The following B3GNT5 variants were observed in gnomAD, a reference collection of about 807,000 sequenced individuals.
The protein encoded by B3GNT5 is lactosylceramide 1,3-N-acetyl-beta-D-glucosaminyltransferase.
B3GNT5 carries 11 observed loss-of-function variants against 25.9 expected under a neutral mutation model. The observed-to-expected ratio is 0.42, with a 90% CI of 0.27 to 0.70. The LOEUF is 0.70. Among genes scored for constraint, B3GNT5 ranks in the 30% least tolerant of loss-of-function variants. The probability of loss-of-function intolerance (pLI) is 0.23; values close to 1 mark genes in which losing one functional copy is unlikely to be tolerated. For synonymous variants in B3GNT5, 166 were observed against 158.6 expected, an observed-to-expected ratio of 1.05 and a Z score of -0.35; for missense variants, 385 against 458.4, an observed-to-expected ratio of 0.84 and a Z score of 1.46.
At chr3:183,256,835 A>ACCATGTTCTTTCCTGT (rs149507280) in intron 1 of B3GNT5, among the ~76,000 whole-genome samples, 27,191 of 152,106 alleles carry the variant, frequency 0.18, 6,080 homozygotes, top group African/African-American at 0.53. Flanking sequence ...GCTTGTGGGA[A>ACCATGTTCTTTCCTGT]CAAGAATAAC....
At chr3:183,260,977 A>G (rs905041322) in intron 1 of B3GNT5, among the ~76,000 whole-genome samples, 2 of 152,250 alleles carry the variant, frequency 1.3e-5, no homozygotes, top group African/African-American at 4.8e-5. Flanking sequence ...AAACACTTGA[A>G]GACAGCCATT....
chr3:183,269,534 G>A lies in B3GNT5; in HGVS notation c.-265G>A. ...TATTCACATGGGAGAGCCGCATGAG[G>A]CCGCCCACCACGCTTCCTGAAGGAT... On this transcript the variant is annotated 5_prime_UTR_variant, in exon 2 of 2. Transcript: ENST00000326505. 1 of 387,370 alleles carries A rather than the reference G, an allele frequency of 2.6e-6. No individual in the cohort carries two copies. 24.0% of individuals were successfully genotyped at this position (387,370 alleles called of 1,614,324 possible).
Position 183,270,358 on chromosome 3 carries a change from A to G in B3GNT5, c.560A>G (p.Lys187Arg), listed in dbSNP as rs369205848. ...SWANTYCPHA[K>R]FLMTADDDIF... The stretch of plus-strand genomic sequence containing the variant: ...GCAAATACCTATTGTCCACATGCCA[A>G]ATTTCTTATGACTGCTGATGATGAC... The change falls in exon 2 of 2, where the codon AAA (lysine) becomes AGA (arginine). Residue 187 changes from lysine (K) to arginine (R), a missense_variant. Lys to Arg is a conservative substitution (Grantham distance 26, BLOSUM62 2). Coordinates refer to ENST00000326505, the MANE Select transcript of B3GNT5 (RefSeq NM_032047.5). This position sits in a 1 kb window ranked among gnomAD's most constrained non-coding sequence, Gnocchi z 4.5. The G allele has an allele frequency of 1.4e-5, 22 of 1,614,054 alleles. No individual in the cohort carries two copies. The highest frequency in any genetic ancestry group is 2.2e-5 in the South Asian group (2 of 91,086).
chr3:183,261,324 G>C (rs780750042), intron 1 of B3GNT5, among the ~76,000 whole-genome samples: 5 of 152,108 alleles, frequency 3.3e-5, no homozygotes, highest in Non-Finnish European at 5.9e-5. Context: ...CAGATGACGA[G>C]AAGAAGCCAG....
rs1407263241 is a variant in B3GNT5, at chr3:183,270,266, A to C, written c.468A>C (p.Ile156=). ...LAWEDQRYND[I]IQQDFVDSFY... Reference sequence around the variant, plus strand: ...GGGAAGATCAAAGGTACAATGATATAATTCAGCAAGACTTTGTTGATTCTT... The same window carrying C: ...GGGAAGATCAAAGGTACAATGATATCATTCAGCAAGACTTTGTTGATTCTT... Residue 156 remains isoleucine, a synonymous_variant, in exon 2 of 2, where the codon ATA becomes ATC. Coordinates refer to ENST00000326505, the MANE Select transcript of B3GNT5 (RefSeq NM_032047.5). The surrounding 1 kb of genome is among the most constrained non-coding windows in gnomAD (Gnocchi z 4.5). 2 of 1,614,194 alleles carry C rather than the reference A, an allele frequency of 1.2e-6. No homozygotes were observed. The highest frequency in any genetic ancestry group is 1.7e-6 in the Non-Finnish European group (2 of 1,180,020).
At chr3:183,260,313 AC>A (rs930933480) in intron 1 of B3GNT5, among the ~76,000 whole-genome samples, 3 of 152,158 alleles carry the variant, frequency 2.0e-5, no homozygotes, top group African/African-American at 7.2e-5. Context: ...CATGGTAGTA[AC>A]TGTTGCTAGA....
rs73884620 is a variant in B3GNT5, at chr3:183,272,691, A to G, written c.*1756A>G. ...AAGTTTTCTGACCAATTAAAAAAAC[A>G]TAGAGAACAAAAGCATATTTGACCA... On this transcript the variant is annotated 3_prime_UTR_variant, in exon 2 of 2. Coordinates refer to ENST00000326505, the MANE Select transcript of B3GNT5 (RefSeq NM_032047.5). The G allele has an allele frequency of 5.9e-3, 5,968 of 1,009,948 alleles. 273 individuals carry two copies. The African/African-American group carries it at 0.09, about 15-fold the overall frequency. The allele number at this position is 1,009,948 out of a possible 1,614,324, so 62.6% of individuals were successfully genotyped here.
chr3:183,266,547 TG>T (rs1726140760), intron 1 of B3GNT5, among the ~76,000 whole-genome samples: 1 of 152,222 alleles, frequency 6.6e-6, no homozygotes, highest in African/African-American at 2.4e-5. Context: ...GCCCTTGTTT[TG>T]GGGCTTCAGA....
chr3:183,263,664 T>C (rs190281804), intron 1 of B3GNT5, among the ~76,000 whole-genome samples: 90 of 152,272 alleles, frequency 5.9e-4, no homozygotes, highest in South Asian at 4.4e-3. Flanking sequence ...TCCAGTCCTG[T>C]CTAACTCGTC....
intron 1 of B3GNT5, among the ~76,000 whole-genome samples, chr3:183,257,852 T>C (rs1166538788): frequency 3.3e-5 from 5 of 152,148 alleles, no homozygotes; most frequent in Non-Finnish European, 7.4e-5. Flanking sequence ...ACTAAGTGAT[T>C]TGACATTTCC....
At chr3:183,268,714 C>T (rs1726402080) in intron 1 of B3GNT5, among the ~76,000 whole-genome samples, 1 of 152,084 alleles carries the variant, frequency 6.6e-6, no homozygotes, top group South Asian at 2.1e-4. Flanking sequence ...ATAAAGACTT[C>T]GAGTTAAACG....
chr3:183,269,686 G>A lies in B3GNT5; in HGVS notation c.-113G>A. The stretch of plus-strand genomic sequence containing the variant: ...AAATAAGAAGACTTCCATTTTTAAT[G>A]ACCAACATGTATTAAGATGGACACC... On this transcript the variant is annotated 5_prime_UTR_variant, in exon 2 of 2. An upstream start codon of the reference 5' UTR is lost. Coordinates refer to ENST00000326505, the MANE Select transcript of B3GNT5 (RefSeq NM_032047.5). 1.1e-6 allele frequency: 1 copy of A among 937,992 alleles called. No homozygotes were observed. Among genetic ancestry groups the A allele is most frequent in the Non-Finnish European group, 1.6e-6 (1 of 633,496 alleles). The allele number at this position is 937,992 out of a possible 1,614,324, so 58.1% of individuals were successfully genotyped here.
chr3:183,269,652 TATTTTGTAAAATAAGA>T lies in B3GNT5; in HGVS notation c.-145_-130del. 1.4e-6 allele frequency: 1 copy of T among 720,320 alleles called. No individual in the cohort carries two copies. The highest frequency in any genetic ancestry group is 2.9e-5 in the East Asian group (1 of 34,628). The allele number at this position is 720,320 out of a possible 1,614,324, so 44.6% of individuals were successfully genotyped here. On this transcript the variant is annotated 5_prime_UTR_variant, in exon 2 of 2. The change creates a premature stop within an existing upstream ORF in the 5' untranslated region. Coordinates refer to ENST00000326505, the MANE Select transcript of B3GNT5 (RefSeq NM_032047.5). ...TCAGAAAAATGGGACTAAAAGAAAC[TATTTTGTAAAATAAGA>T]AGACTTCCATTTTTAATGACCAACA...
chr3:183,255,792 CAA>C (rs1466686688), intron 1 of B3GNT5, among the ~76,000 whole-genome samples: 5 of 147,240 alleles, frequency 3.4e-5, no homozygotes, highest in Non-Finnish European at 7.4e-5. Flanking sequence ...AAAAGACATT[CAA>C]ATGGTGAGAT....
chr3:183,270,586 A>G lies in B3GNT5; in HGVS notation c.788A>G (p.Asp263Gly). 3.1e-6 allele frequency: 5 copies of G among 1,614,198 alleles called. No homozygotes were observed. The highest frequency in any genetic ancestry group is 4.2e-6 in the Non-Finnish European group (5 of 1,180,040). The change falls in exon 2 of 2, where the codon GAT (aspartate) becomes GGT (glycine). Residue 263 changes from aspartate to glycine, a missense_variant. Coordinates refer to ENST00000326505, the MANE Select transcript of B3GNT5 (RefSeq NM_032047.5). The surrounding 1 kb of genome is among the most constrained non-coding windows in gnomAD (Gnocchi z 4.5). ...TAGAAYVISG[D>G]VAAKVYEASQ... ...GGAGCTGCCTATGTAATCTCCGGTG[A>G]TGTAGCTGCCAAAGTCTATGAGGCA...
rs915243279 is a variant in B3GNT5 at position 183,271,214 on chromosome 3, A to G, written c.*279A>G. ...TTCAAGTTCTCATGTAATGCCACAT[A>G]TATACTTGAGGTGTAGAGATGTTAT... is the stretch of plus-strand genomic sequence containing the variant. On this transcript the variant is annotated 3_prime_UTR_variant, in exon 2 of 2. Coordinates refer to ENST00000326505, the MANE Select transcript of B3GNT5 (RefSeq NM_032047.5). The G allele has an allele frequency of 7.2e-6, 2 of 276,412 alleles. No homozygotes were observed. The highest frequency in any genetic ancestry group is 4.5e-5 in the African/African-American group (2 of 44,612). The allele number at this position is 276,412 out of a possible 1,614,324, so 17.1% of individuals were successfully genotyped here.
chr3:183,261,024 T>C (rs1725531319), intron 1 of B3GNT5, among the ~76,000 whole-genome samples: 2 of 152,214 alleles, frequency 1.3e-5, no homozygotes, highest in South Asian at 4.1e-4. Flanking sequence ...GGTCTTATAT[T>C]GGAAATGTAA....
In B3GNT5 at chr3:183,270,520, A is replaced by G. The variant is rs558711608; in HGVS notation, c.722A>G (p.Tyr241Cys). Residue 241 changes from tyrosine to cysteine, a missense_variant, in exon 2 of 2, where the codon TAT (tyrosine) becomes TGT (cysteine). Transcript: ENST00000326505. This position sits in a 1 kb window ranked among gnomAD's most constrained non-coding sequence, Gnocchi z 4.5. ...AAAAGCAGCAAATACTACGTGTCCT[A>G]TGAAATGTACCAGTGGCCAGCTTAC... The part of the protein sequence containing the change: ...RDKSSKYYVS[Y>C]EMYQWPAYPD... 15 of 1,614,164 alleles carry G rather than the reference A, an allele frequency of 9.3e-6. No homozygotes were observed. The East Asian group carries it at 1.3e-4, about 14-fold the overall frequency.
In B3GNT5 at chr3:183,262,309, T is replaced by C. The variant is rs778143673; in HGVS notation, c.-301-7189T>C. 1.2e-4 allele frequency among the ~76,000 whole-genome samples: 18 copies of C among 151,990 alleles called. 1 individual carries two copies. The highest frequency in any genetic ancestry group is 2.5e-4 in the Non-Finnish European group (17 of 68,002). On this transcript the variant is annotated intron_variant, in intron 1 of 1. Transcript: ENST00000326505. ...AGAATGCAGACATGTCCATGGAAGT[T>C]GGCAATATTCAGCCCCCAGCAGGCC... is the stretch of plus-strand genomic sequence containing the variant.
Sources: allele counts gnomAD v4.1 joint callset (sites outside exome capture counted in the v4.1 genomes callset), GRCh38; gene constraint gnomAD v4.1.1; non-coding constraint Gnocchi (gnomAD v3.1); transcripts MANE v1.5; gene names NCBI Gene and HGNC (gene_info 2026-07-23, HGNC 2026-07-21).